Variants in SP4 observed in about 807,000 individuals in gnomAD.
The protein encoded by SP4 is transcription factor Sp4.
In SP4, 19 loss-of-function variants were observed where a neutral mutation model predicts 72.8. That is an observed-to-expected ratio of 0.26 (90% CI 0.18 to 0.38). The LOEUF (loss-of-function observed/expected upper bound fraction) is 0.38, where lower values mean the gene tolerates loss of function less well. SP4 is among the 10% of genes least tolerant of loss of function. The pLI is 1.00. For synonymous variants in SP4, 395 were observed against 333.1 expected (o/e 1.19, Z -2.02); for missense variants, 1,008 against 926.3 (o/e 1.09, Z -1.14).
intron 5 of SP4, among the ~76,000 whole-genome samples, chr7:21,486,808 G>A (rs779878906): frequency 3.3e-5 from 5 of 152,164 alleles, no homozygotes; most frequent in African/African-American, 1.2e-4. Context: ...ACATTCAGGG[G>A]GAAGAGAACT....
chr7:21,452,869 A>G (rs983653062), intron 3 of SP4, among the ~76,000 whole-genome samples: 2 of 147,338 alleles, frequency 1.4e-5, no homozygotes, highest in Admixed American at 1.4e-4. Flanking sequence ...TGCAGTCTCC[A>G]CCTCCGAGGT....
intron 3 of SP4, among the ~76,000 whole-genome samples, chr7:21,441,914 T>C (rs973758489): frequency 2.6e-5 from 4 of 152,114 alleles, no homozygotes; most frequent in African/African-American, 7.2e-5. Flanking sequence ...TCATAGGATA[T>C]ATTATCTGTT....
At chr7:21,450,157 A>C (rs895422268) in intron 3 of SP4, among the ~76,000 whole-genome samples, 1 of 152,048 alleles carries the variant, frequency 6.6e-6, no homozygotes, top group Non-Finnish European at 1.5e-5. Flanking sequence ...GTAAGCTTGG[A>C]AACTTGCAGC....
At chr7:21,478,520 A>G (rs1259197179) in intron 4 of SP4, among the ~76,000 whole-genome samples, 9 of 152,100 alleles carry the variant, frequency 5.9e-5, no homozygotes, top group Admixed American at 5.9e-4. Flanking sequence ...TCTCTAGATC[A>G]TTGCCAGTAC....
intron 3 of SP4, among the ~76,000 whole-genome samples, chr7:21,456,064 C>G (rs1346463066): frequency 6.6e-6 from 1 of 152,140 alleles, no homozygotes; most frequent in African/African-American, 2.4e-5. Flanking sequence ...TCATGGAAAG[C>G]CTTCATATGC....
chr7:21,506,030 C>T (rs1032541451), intron 5 of SP4, among the ~76,000 whole-genome samples: 3 of 152,160 alleles, frequency 2.0e-5, no homozygotes, highest in African/African-American at 4.8e-5. Flanking sequence ...ATTTGTCCTT[C>T]CTCTATTCCT....
intron 5 of SP4, among the ~76,000 whole-genome samples, chr7:21,482,409 A>G (rs1273072036): frequency 1.3e-5 from 2 of 151,976 alleles, no homozygotes; most frequent in Non-Finnish European, 2.9e-5. Flanking sequence ...ATTGTTTTTC[A>G]TAAGTGTTTA....
intron 5 of SP4, among the ~76,000 whole-genome samples, chr7:21,503,866 A>G (rs1011269969): frequency 3.9e-5 from 6 of 152,218 alleles, no homozygotes; most frequent in South Asian, 2.1e-4. Flanking sequence ...ATAAATCCCT[A>G]TACACCCATA....
At chr7:21,463,416 G>A (rs1784060289) in intron 3 of SP4, among the ~76,000 whole-genome samples, 1 of 152,226 alleles carries the variant, frequency 6.6e-6, no homozygotes, top group Non-Finnish European at 1.5e-5. Flanking sequence ...TAGCCCTCCT[G>A]TAATCTCTTT....
chr7:21,460,782 T>G (rs1194534426), intron 3 of SP4, among the ~76,000 whole-genome samples: 1 of 151,978 alleles, frequency 6.6e-6, no homozygotes, highest in African/African-American at 2.4e-5. Flanking sequence ...TAGATTGGTG[T>G]ATTTACAAAC....
At chr7:21,428,293 CG>C in intron 1 of SP4, 35 bp downstream of exon 1, 1 of 1,297,838 alleles carries the variant, frequency 7.7e-7, no homozygotes, top group Non-Finnish European at 1.1e-6. Flanking sequence ...TCTCCTTCGC[CG>C]CCTCCCTCTC....
intron 3 of SP4, among the ~76,000 whole-genome samples, chr7:21,432,216 T>C (rs546717391): frequency 6.6e-6 from 1 of 152,290 alleles, no homozygotes; most frequent in East Asian, 1.9e-4. Flanking sequence ...AGTTAGTGTT[T>C]CCATTGCGGT....
chr7:21,449,575 G>A (rs995572989), intron 3 of SP4, among the ~76,000 whole-genome samples: 9 of 152,242 alleles, frequency 5.9e-5, no homozygotes, highest in Non-Finnish European at 1.0e-4. Flanking sequence ...AAGTATACGT[G>A]TGTGTATATA....
Position 21,514,512 on chromosome 7 carries a change from C to G in SP4, c.*3243C>G, listed in dbSNP as rs888052927. ...TATAAAAAGTTTTGTAGTAACATTT[C>G]ACTTGTAAATTTTTTTTGTAAAAAA... On this transcript the variant is annotated 3_prime_UTR_variant, in exon 6 of 6. Transcript: ENST00000222584. The G allele has an allele frequency of 3.9e-5, 5 of 128,074 alleles. No homozygotes were observed. Among genetic ancestry groups the G allele is most frequent in the African/African-American group, 1.5e-4 (5 of 32,520 alleles). The allele number at this position is 128,074 out of a possible 1,614,324, so 7.9% of individuals were successfully genotyped here.
Position 21,513,886 on chromosome 7 carries a change from A to T in SP4, c.*2617A>T, listed in dbSNP as rs1248393191. ...ATTTTGACAGTCTGTTCTGCATACC[A>T]TTCTGAGTCTACTTTTCTGTCTTTA... On this transcript the variant is annotated 3_prime_UTR_variant, in exon 6 of 6. Coordinates refer to ENST00000222584, the MANE Select transcript of SP4 (RefSeq NM_003112.5). 2.0e-5 allele frequency: 3 copies of T among 152,318 alleles called. No individual in the cohort carries two copies. Among genetic ancestry groups the T allele is most frequent in the African/African-American group, 7.2e-5 (3 of 41,448 alleles). 9.4% of individuals were successfully genotyped at this position (152,318 alleles called of 1,614,324 possible). A position where few individuals can be genotyped will look rare whatever the true frequency, so the allele number is the denominator to read the frequency against.
intron 3 of SP4, among the ~76,000 whole-genome samples, chr7:21,475,181 T>C (rs1242079513): frequency 6.6e-6 from 1 of 151,728 alleles, no homozygotes; most frequent in Non-Finnish European, 1.5e-5. Context: ...GTGGCACAAT[T>C]TCGGCTCACT....
At chr7:21,471,280 A>G (rs1784334342) in intron 3 of SP4, 1 of 352,310 alleles carries the variant, frequency 2.8e-6, no homozygotes, top group Non-Finnish European at 5.8e-6. Flanking sequence ...TGCAATATGA[A>G]TATTAGAAGG....
intron 2 of SP4, 105 bp downstream of exon 2, chr7:21,428,897 C>G (rs1168232481): frequency 6.7e-6 from 6 of 895,608 alleles, no homozygotes; most frequent in Non-Finnish European, 1.0e-5. Flanking sequence ...TTTATCCACT[C>G]AAAGCATCTT....
In SP4 at chr7:21,457,022, C is replaced by T. The variant is rs1192446331; in HGVS notation, c.1679-20057C>T. ...TCCTACAGGGGTTGAATGCCTCCAGCCTAAGAAGGAAGGCATAGAGGTATC... is the reference window on the plus strand; with the variant it reads ...TCCTACAGGGGTTGAATGCCTCCAGTCTAAGAAGGAAGGCATAGAGGTATC... On this transcript the variant is annotated intron_variant, in intron 3 of 5. Coordinates refer to ENST00000222584, the MANE Select transcript of SP4 (RefSeq NM_003112.5). 4.8e-5 allele frequency among the ~76,000 whole-genome samples: 6 copies of T among 125,386 alleles called. No individual in the cohort carries two copies. In the East Asian group the frequency reaches 1.8e-3, roughly 38 times the overall value. The allele number at this position is 125,386 out of a possible 152,430, so 82.3% of individuals were successfully genotyped here.
Sources: gnomAD v4.1 joint callset for allele counts (sites outside exome capture counted in the v4.1 genomes callset) on GRCh38, gnomAD v4.1.1 for gene constraint, MANE v1.5 for transcripts, NCBI Gene and HGNC (gene_info 2026-07-23, HGNC 2026-07-21) for gene names.